Variants in MKLN1 observed in about 807,000 individuals in gnomAD.
MKLN1 encodes the protein muskelin.
Under a neutral mutation model 99.0 loss-of-function variants are expected in MKLN1, and 18 were observed. The observed-to-expected ratio is 0.18, with a 90% CI of 0.13 to 0.27. MKLN1 has a LOEUF of 0.27. MKLN1 is among the 10% of genes least tolerant of loss of function. The pLI is 1.00. For synonymous variants in MKLN1, 288 were observed against 293.2 expected (o/e 0.98, Z 0.18); for missense variants, 621 against 875.9 (o/e 0.71, Z 3.67).
intron 2 of MKLN1, among the ~76,000 whole-genome samples, chr7:131,169,706 G>T (rs1386601592): frequency 6.6e-6 from 1 of 152,086 alleles, no homozygotes; most frequent in African/African-American, 2.4e-5. Flanking sequence ...ATCTAGTTAG[G>T]ACTAATAGGA....
chr7:131,155,001 T>G (rs899157645), intron 2 of MKLN1, among the ~76,000 whole-genome samples: 5 of 152,232 alleles, frequency 3.3e-5, no homozygotes, highest in African/African-American at 1.2e-4. Context: ...ACATTTACAC[T>G]GACATAGTTC....
intron 8 of MKLN1, among the ~76,000 whole-genome samples, chr7:131,422,644 C>T (rs1226175827): frequency 6.6e-6 from 1 of 152,124 alleles, no homozygotes; most frequent in Non-Finnish European, 1.5e-5. Context: ...TATTTTAAAG[C>T]AATTGTTGCT....
chr7:131,188,964 G>T (rs1010906726), intron 2 of MKLN1, among the ~76,000 whole-genome samples: 5 of 152,160 alleles, frequency 3.3e-5, no homozygotes, highest in Admixed American at 6.5e-5. Flanking sequence ...CAGAGGAGGG[G>T]TGGAAAGAAG....
chr7:131,252,908 C>T (rs1309149658), intron 3 of MKLN1, among the ~76,000 whole-genome samples: 2 of 152,040 alleles, frequency 1.3e-5, no homozygotes, highest in African/African-American at 2.4e-5. Flanking sequence ...ATTTAGTGTT[C>T]ATATTATGCT....
intron 1 of MKLN1, among the ~76,000 whole-genome samples, chr7:131,123,080 A>AC (rs1795401372): frequency 6.6e-6 from 1 of 151,764 alleles, no homozygotes; most frequent in Non-Finnish European, 1.5e-5. Context: ...GCTGTACAGA[A>AC]TATCAAAGAA....
At chr7:131,123,092 G>T (rs1795401492) in intron 1 of MKLN1, among the ~76,000 whole-genome samples, 2 of 147,260 alleles carry the variant, frequency 1.4e-5, no homozygotes, top group Admixed American at 1.4e-4. Context: ...ATCAAAGAAG[G>T]ACATGTTTGA....
At chr7:131,350,668 A>G (rs765764380) in intron 1 of MKLN1, among the ~76,000 whole-genome samples, 11 of 152,344 alleles carry the variant, frequency 7.2e-5, no homozygotes, top group Admixed American at 2.6e-4. Context: ...TGCTTCATCA[A>G]TGCCAACAAG....
At chr7:131,245,611 G>A (rs1435234486) in intron 3 of MKLN1, among the ~76,000 whole-genome samples, 2 of 152,066 alleles carry the variant, frequency 1.3e-5, no homozygotes, top group East Asian at 3.9e-4. Flanking sequence ...CCTTTTCTAT[G>A]TTTAGATATG....
chr7:131,465,427 T>C (rs1343646187), intron 14 of MKLN1, among the ~76,000 whole-genome samples: 1 of 152,240 alleles, frequency 6.6e-6, no homozygotes, highest in Non-Finnish European at 1.5e-5. Flanking sequence ...TATAAATTCC[T>C]TTTGCATTTC....
At chr7:131,350,413 A>G (rs1799686518) in intron 1 of MKLN1, among the ~76,000 whole-genome samples, 1 of 152,084 alleles carries the variant, frequency 6.6e-6, no homozygotes, top group African/African-American at 2.4e-5. Context: ...GCTTAAAACA[A>G]TACACAATTT....
At chr7:131,233,580 A>G (rs1001659264) in intron 3 of MKLN1, among the ~76,000 whole-genome samples, 1 of 151,836 alleles carries the variant, frequency 6.6e-6, no homozygotes, top group Admixed American at 6.6e-5. Context: ...AAGTTTTTAG[A>G]TATTTTAAAA....
At chr7:131,233,931 G>A (rs1191798026) in intron 3 of MKLN1, among the ~76,000 whole-genome samples, 2 of 152,066 alleles carry the variant, frequency 1.3e-5, no homozygotes, top group African/African-American at 4.8e-5. Flanking sequence ...ATAGGAAGAA[G>A]CATTTTTTTA....
At chr7:131,289,264 C>T (rs1032721281) in intron 3 of MKLN1, among the ~76,000 whole-genome samples, 8 of 152,162 alleles carry the variant, frequency 5.3e-5, no homozygotes, top group Non-Finnish European at 1.2e-4. Flanking sequence ...TATTAGAAAC[C>T]TAGAAGGGGG....
At chr7:131,375,809 A>T (rs1793628167) in intron 2 of MKLN1, among the ~76,000 whole-genome samples, 3 of 151,024 alleles carry the variant, frequency 2.0e-5, no homozygotes, top group Admixed American at 2.0e-4. Flanking sequence ...CTTATGGGGA[A>T]AATAAACTTA....
At chr7:131,456,082 A>C (rs1294280456) in intron 12 of MKLN1, among the ~76,000 whole-genome samples, 1 of 152,020 alleles carries the variant, frequency 6.6e-6, no homozygotes, top group Non-Finnish European at 1.5e-5. Context: ...ACTGTTAAAA[A>C]TTGAAAAGAT....
intron 3 of MKLN1, among the ~76,000 whole-genome samples, chr7:131,311,997 G>C (rs184656660): frequency 6.6e-6 from 1 of 150,788 alleles, no homozygotes; most frequent in African/African-American, 2.4e-5. Flanking sequence ...TCTCAGGCAG[G>C]TATTTTTTTT....
At chr7:131,285,212 G>C (rs1348378122) in intron 3 of MKLN1, 1 of 152,434 alleles carries the variant, frequency 6.6e-6, no homozygotes, top group African/African-American at 2.4e-5. Context: ...AGCAGGGCTG[G>C]CCTGGGAGGG....
Position 131,493,060 on chromosome 7 carries a change from A to AT in MKLN1, c.*5333dup, listed in dbSNP as rs757473218. ...AAATAAGATTTGCAATGTGCTGTCT[A>AT]TCCCCAAACACTGCTGAGCTTGCTG... On this transcript the variant is annotated 3_prime_UTR_variant, in exon 18 of 18. Transcript: ENST00000352689. 2 of 152,214 alleles carry AT rather than the reference A, an allele frequency of 1.3e-5. No homozygotes were observed. Among genetic ancestry groups the AT allele is most frequent in the African/African-American group, 2.4e-5 (1 of 41,456 alleles). 9.4% of individuals were successfully genotyped at this position (152,214 alleles called of 1,614,324 possible).
chr7:131,409,845 C>G (rs1794820829), intron 6 of MKLN1, among the ~76,000 whole-genome samples: 1 of 152,122 alleles, frequency 6.6e-6, no homozygotes, highest in Admixed American at 6.5e-5. Flanking sequence ...TTGGTTGATT[C>G]AGTGATCATT....
Sources: gnomAD v4.1 joint callset for allele counts (sites outside exome capture counted in the v4.1 genomes callset) on GRCh38, gnomAD v4.1.1 for gene constraint, MANE v1.5 for transcripts, NCBI Gene and HGNC (gene_info 2026-07-23, HGNC 2026-07-21) for gene names.